Variants in FAAH2 observed in about 807,000 individuals in gnomAD.
FAAH2 encodes the protein fatty acid amide hydrolase 2, also known as fatty-acid amide hydrolase 2.
In FAAH2, 60 loss-of-function variants were observed where a neutral mutation model predicts 36.9. The ratio of observed to expected loss-of-function variants is 1.63; its 90% CI spans 1.32 to 2.02. The LOEUF is 2.02. Among genes scored for constraint, FAAH2 ranks in the 30% most tolerant of loss-of-function variants. The pLI, the probability that FAAH2 is intolerant of heterozygous loss-of-function variation, is 0.00. For synonymous variants in FAAH2, 214 were observed against 143.8 expected, an observed-to-expected ratio of 1.49 and a Z score of -3.49; for missense variants, 689 against 397.5, an observed-to-expected ratio of 1.73 and a Z score of -6.23.
chrX:57,164,223 T>A, the FAAH2 span, among the ~76,000 whole-genome samples: 1,682 of 112,072 alleles, frequency 0.015, 30 homozygotes, highest in African/African-American at 0.052. Flanking sequence ...TACTGCATAG[T>A]TTCTAGATGT....
the FAAH2 span, chrX:57,135,745 C>T: frequency 8.6e-7 from 1 of 1,167,611 alleles, no homozygotes; most frequent in South Asian, 2.0e-5. Flanking sequence ...TTTCAGTACA[C>T]TGAAAGGCAA....
At chrX:57,152,497 T>C in the FAAH2 span, among the ~76,000 whole-genome samples, 1 of 112,521 alleles carries the variant, frequency 8.9e-6, no homozygotes, top group African/African-American at 3.2e-5. Flanking sequence ...GCCTCGCTGC[T>C]GCCTTGCAGT....
chrX:57,432,868 C>G (rs1421373883), intron 8 of FAAH2, among the ~76,000 whole-genome samples: 1 of 110,472 alleles, frequency 9.1e-6, no homozygotes, highest in South Asian at 3.9e-4. Context: ...TATTGATACC[C>G]ATTTTACAGC....
intron 2 of FAAH2, 63 bp downstream of exon 2, chrX:57,292,643 T>G: frequency 4.3e-6 from 4 of 936,151 alleles, no homozygotes; most frequent in African/African-American, 1.9e-5. Flanking sequence ...TCTGTGGTCA[T>G]GCCACCTTAG....
the FAAH2 span, among the ~76,000 whole-genome samples, chrX:57,237,252 A>G: frequency 9.0e-6 from 1 of 111,262 alleles, no homozygotes; most frequent in Non-Finnish European, 1.9e-5. Flanking sequence ...CGTTTTGGTT[A>G]TTATTGCTTT....
chrX:57,248,753 CAAAA>C, the FAAH2 span, among the ~76,000 whole-genome samples: 9 of 14,496 alleles, frequency 6.2e-4, no homozygotes, highest in African/African-American at 2.1e-3. Flanking sequence ...AGCTCCGTCT[CAAAA>C]AAAAAAAAAA....
At chrX:57,158,348 C>A in the FAAH2 span, among the ~76,000 whole-genome samples, 2 of 112,137 alleles carry the variant, frequency 1.8e-5, no homozygotes, top group African/African-American at 6.5e-5. Flanking sequence ...ATTTATAATC[C>A]TTTGGGTATA....
intron 3 of FAAH2, among the ~76,000 whole-genome samples, chrX:57,330,548 T>A (rs1340464008): frequency 1.8e-5 from 2 of 111,092 alleles, no homozygotes; most frequent in Admixed American, 9.6e-5. Flanking sequence ...TGCCTTGTGA[T>A]ATTCTATTAT....
At chrX:57,136,749 C>G in the FAAH2 span, 1 of 244,669 alleles carries the variant, frequency 4.1e-6, no homozygotes, top group Non-Finnish European at 7.4e-6. Context: ...GCTGCATGCC[C>G]GCAGTGCTCT....
chrX:57,375,150 A>G (rs2054640647), intron 5 of FAAH2, among the ~76,000 whole-genome samples: 1 of 109,780 alleles, frequency 9.1e-6, no homozygotes, highest in Non-Finnish European at 1.9e-5. Flanking sequence ...TTTTGCATCC[A>G]TGTCCATCAG....
intron 8 of FAAH2, among the ~76,000 whole-genome samples, chrX:57,445,791 G>T (rs1279084920): frequency 2.7e-5 from 3 of 112,595 alleles, no homozygotes; most frequent in Non-Finnish European, 5.6e-5. Flanking sequence ...TAAAGGAAGG[G>T]TGATGCATGC....
At chrX:57,425,638 A>G (rs1210605191) in intron 7 of FAAH2, among the ~76,000 whole-genome samples, 1 of 111,714 alleles carries the variant, frequency 9.0e-6, no homozygotes, top group Non-Finnish European at 1.9e-5. Flanking sequence ...TGAAGAAATG[A>G]AGTATTTTCT....
the FAAH2 span, among the ~76,000 whole-genome samples, chrX:57,205,836 T>C: frequency 8.9e-6 from 1 of 112,178 alleles, no homozygotes; most frequent in Admixed American, 9.5e-5. Flanking sequence ...AATAAGAGTA[T>C]TTATAAAAGC....
At chrX:57,275,269 CT>C in the FAAH2 span, among the ~76,000 whole-genome samples, 1 of 112,235 alleles carries the variant, frequency 8.9e-6, no homozygotes, top group East Asian at 2.8e-4. Flanking sequence ...GAGAAACAAA[CT>C]TTTACATTTA....
chrX:57,409,162 C>T (rs1010625246), intron 7 of FAAH2, among the ~76,000 whole-genome samples: 4 of 111,249 alleles, frequency 3.6e-5, no homozygotes, highest in South Asian at 3.7e-4. Flanking sequence ...TAATATTATG[C>T]GACCACCATC....
At chrX:57,345,128 T>A (rs2053787147) in intron 5 of FAAH2, among the ~76,000 whole-genome samples, 1 of 108,917 alleles carries the variant, frequency 9.2e-6, no homozygotes, top group South Asian at 4.0e-4. Context: ...TCAATTTTTT[T>A]TTTTTTTTGG....
intron 7 of FAAH2, among the ~76,000 whole-genome samples, chrX:57,412,631 T>A (rs1226396353): frequency 8.9e-6 from 1 of 112,032 alleles, no homozygotes; most frequent in Admixed American, 9.5e-5. Flanking sequence ...TATTGATGGG[T>A]ATTTGCCTTG....
chrX:57,142,928 G>C, the FAAH2 span, among the ~76,000 whole-genome samples: 1 of 111,069 alleles, frequency 9.0e-6, no homozygotes, highest in Non-Finnish European at 1.9e-5. Context: ...AGTTATTCCT[G>C]CTCTATTTTG....
the FAAH2 span, among the ~76,000 whole-genome samples, chrX:57,270,290 AAAG>A: frequency 1.5e-4 from 17 of 111,893 alleles, no homozygotes; most frequent in African/African-American, 5.2e-4. Context: ...CCAAATGTAC[AAAG>A]AAGAGCTGGT....
Sources: gnomAD v4.1 joint callset for allele counts (sites outside exome capture counted in the v4.1 genomes callset) on GRCh38, gnomAD v4.1.1 for gene constraint, MANE v1.5 for transcripts, NCBI Gene and HGNC (gene_info 2026-07-23, HGNC 2026-07-21) for gene names.